Variants in BRINP3 observed in about 807,000 individuals in gnomAD.
BRINP3 encodes BMP/retinoic acid inducible neural specific 3.
BRINP3 carries 19 observed loss-of-function variants against 71.0 expected under a neutral mutation model. The observed-to-expected ratio is 0.27, with a 90% CI of 0.19 to 0.39. The LOEUF is 0.39. Among genes scored for constraint, BRINP3 ranks in the 10% least tolerant of loss-of-function variants. The pLI is 1.00. For synonymous variants in BRINP3, 380 were observed against 337.7 expected, an observed-to-expected ratio of 1.13 and a Z score of -1.37; for missense variants, 959 against 940.8, an observed-to-expected ratio of 1.02 and a Z score of -0.25.
At chr1:190,213,000 C>A (rs747155496) in intron 6 of BRINP3, among the ~76,000 whole-genome samples, 1 of 151,828 alleles carries the variant, frequency 6.6e-6, no homozygotes, top group Non-Finnish European at 1.5e-5. Context: ...AAAGCAAAAC[C>A]CTACAGTTGT....
At chr1:190,226,639 A>C (rs2102703837) in intron 5 of BRINP3, among the ~76,000 whole-genome samples, 1 of 152,086 alleles carries the variant, frequency 6.6e-6, no homozygotes, top group South Asian at 2.1e-4. Context: ...CTATCTTTCT[A>C]AACCTTTGAA....
At chr1:190,399,797 T>A (rs981806983) in intron 2 of BRINP3, among the ~76,000 whole-genome samples, 3 of 152,056 alleles carry the variant, frequency 2.0e-5, no homozygotes, top group African/African-American at 7.2e-5. Context: ...ACATAAGCCA[T>A]AATTAGGATC....
intron 6 of BRINP3, among the ~76,000 whole-genome samples, chr1:190,184,252 G>C (rs1294629176): frequency 1.3e-5 from 2 of 152,214 alleles, no homozygotes; most frequent in South Asian, 2.1e-4. Flanking sequence ...CAAGGATATG[G>C]AGAAAAGAGA....
chr1:190,390,417 C>A (rs1671179694), intron 2 of BRINP3, among the ~76,000 whole-genome samples: 1 of 151,672 alleles, frequency 6.6e-6, no homozygotes, highest in Non-Finnish European at 1.5e-5. Context: ...GCAACCTTCC[C>A]CTCTGGGTTA....
chr1:190,399,775 C>G (rs1671808531), intron 2 of BRINP3, among the ~76,000 whole-genome samples: 1 of 151,934 alleles, frequency 6.6e-6, no homozygotes, highest in Non-Finnish European at 1.5e-5. Flanking sequence ...ATTACAATTT[C>G]TGAGATAAGA....
At chr1:190,277,087 T>TTATATATATACA in intron 3 of BRINP3, among the ~76,000 whole-genome samples, 1 of 36,034 alleles carries the variant, frequency 2.8e-5, no homozygotes, top group African/African-American at 6.3e-5. Flanking sequence ...AATTTTGGTT[T>TTATATATATACA]TATATATATA....
chr1:190,171,643 A>C (rs1411817551), intron 6 of BRINP3, among the ~76,000 whole-genome samples: 1 of 152,200 alleles, frequency 6.6e-6, no homozygotes, highest in Non-Finnish European at 1.5e-5. Flanking sequence ...TATAATAATT[A>C]TTAAAATAAC....
At chr1:190,445,597 C>CA (rs1675163545) in intron 2 of BRINP3, among the ~76,000 whole-genome samples, 3 of 146,872 alleles carry the variant, frequency 2.0e-5, no homozygotes, top group Admixed American at 1.4e-4. Context: ...ACACACACAC[C>CA]CTCAAGAAAA....
intron 7 of BRINP3, among the ~76,000 whole-genome samples, chr1:190,141,766 G>T (rs1655471301): frequency 6.6e-6 from 1 of 151,446 alleles, no homozygotes; most frequent in South Asian, 2.1e-4. Flanking sequence ...CACCATGTTG[G>T]TCAGGCTGGT....
chr1:190,176,093 T>C (rs560817098), intron 6 of BRINP3, among the ~76,000 whole-genome samples: 2 of 152,192 alleles, frequency 1.3e-5, no homozygotes, highest in African/African-American at 2.4e-5. Flanking sequence ...TTGCACCATA[T>C]AACAACAAGA....
At chr1:190,177,430 G>A (rs1157389098) in intron 6 of BRINP3, among the ~76,000 whole-genome samples, 3 of 148,088 alleles carry the variant, frequency 2.0e-5, no homozygotes, top group East Asian at 2.0e-4. Flanking sequence ...CACCCGCCTC[G>A]GCCTCCCAAA....
In BRINP3 at chr1:190,405,558, T is replaced by G. The variant is rs1199681545; in HGVS notation, c.236+49097A>C. Among the ~76,000 whole-genome samples, 9 of 147,668 alleles carry G rather than the reference T, an allele frequency of 6.1e-5. No individual in the cohort carries two copies. In the Admixed American group the frequency reaches 6.2e-4, roughly 10 times the overall value. ...AATGATGAGTAGTTTTGAGCTCTGT[T>G]GATGCTGCAAGATCACAGAGAATGG... On this transcript the variant is annotated intron_variant, in intron 2 of 7. Coordinates refer to ENST00000367462, the MANE Select transcript of BRINP3 (RefSeq NM_199051.3).
Position 190,161,083 on chromosome 1 carries a change from C to T in BRINP3, c.962-193G>A, listed in dbSNP as rs548565412. Among the ~76,000 whole-genome samples, 10 of 152,128 alleles carry T rather than the reference C, an allele frequency of 6.6e-5. No homozygotes were observed. The South Asian group carries it at 2.1e-3, about 32-fold the overall frequency. On this transcript the variant is annotated intron_variant, in intron 6 of 7. Coordinates refer to ENST00000367462, the MANE Select transcript of BRINP3 (RefSeq NM_199051.3). ...TTTTTAGATGCTTTAGAATTATCTT[C>T]TTTGCTGTTCCCTTTAAAATAGAAC...
chr1:190,456,857 T>G (rs1322950397), intron 1 of BRINP3, among the ~76,000 whole-genome samples: 1 of 152,152 alleles, frequency 6.6e-6, no homozygotes, highest in Non-Finnish European at 1.5e-5. Context: ...AAGTCCATAT[T>G]ACATATATCA....
At chr1:190,389,576 G>T (rs1671122078) in intron 2 of BRINP3, among the ~76,000 whole-genome samples, 1 of 151,822 alleles carries the variant, frequency 6.6e-6, no homozygotes. Flanking sequence ...TAACATTGAA[G>T]TGAGTAGCTA....
At chr1:190,103,955 A>G (rs938169065) in intron 7 of BRINP3, among the ~76,000 whole-genome samples, 3 of 151,662 alleles carry the variant, frequency 2.0e-5, no homozygotes, top group Non-Finnish European at 4.4e-5. Context: ...TGTAAATGCT[A>G]ATCCCATTTT....
At chr1:190,205,324 A>G (rs773866875) in intron 6 of BRINP3, among the ~76,000 whole-genome samples, 1 of 151,816 alleles carries the variant, frequency 6.6e-6, no homozygotes, top group Non-Finnish European at 1.5e-5. Context: ...CCCGCCACAC[A>G]TGGAAATATT....
At chr1:190,257,338 G>A (rs563276115) in intron 4 of BRINP3, among the ~76,000 whole-genome samples, 6 of 152,140 alleles carry the variant, frequency 3.9e-5, no homozygotes, top group Non-Finnish European at 7.4e-5. Context: ...CAGCTCCATC[G>A]GGTCATTTAA....
intron 2 of BRINP3, among the ~76,000 whole-genome samples, chr1:190,404,607 C>G (rs560823208): frequency 6.6e-6 from 1 of 152,244 alleles, no homozygotes; most frequent in Non-Finnish European, 1.5e-5. Context: ...CTTACATTTG[C>G]AAAGCACTTT....
Sources: allele counts gnomAD v4.1 joint callset (sites outside exome capture counted in the v4.1 genomes callset), GRCh38; gene constraint gnomAD v4.1.1; transcripts MANE v1.5; gene names NCBI Gene and HGNC (gene_info 2026-07-23, HGNC 2026-07-21).